Variants in ACP1 observed in about 807,000 individuals in gnomAD.
The protein encoded by ACP1 is low molecular weight phosphotyrosine protein phosphatase.
ACP1 carries 23 observed loss-of-function variants against 23.4 expected under a neutral mutation model. The ratio of observed to expected loss-of-function variants is 0.98; its 90% CI spans 0.71 to 1.39. The LOEUF is 1.39. Ranked by LOEUF, ACP1 falls within the 40% of genes most tolerant of loss-of-function variation. The pLI is 0.00. For synonymous variants in ACP1, 72 were observed against 67.2 expected (o/e 1.07, Z -0.35); for missense variants, 180 against 197.7 (o/e 0.91, Z 0.54).
At chr2:273,381 C>T (rs572487547) in intron 3 of ACP1, among the ~76,000 whole-genome samples, 12 of 152,256 alleles carry the variant, frequency 7.9e-5, no homozygotes, top group Non-Finnish European at 1.6e-4. Flanking sequence ...GATCCCTGTT[C>T]TGAGGTCTCA....
intron 1 of ACP1, among the ~76,000 whole-genome samples, chr2:269,926 G>A (rs1669985736): frequency 6.6e-6 from 1 of 152,144 alleles, no homozygotes; most frequent in African/African-American, 2.4e-5. Context: ...CCGTTTCCCT[G>A]GGTCTTTGGG....
Position 275,289 on chromosome 2 carries a change from T to C in ACP1, c.293+88T>C, listed in dbSNP as rs1434262242. On this transcript the variant is annotated intron_variant, in intron 4 of 5. Coordinates refer to ENST00000272065, the MANE Select transcript of ACP1 (RefSeq NM_004300.4). Reference sequence around the variant, plus strand: ...TGTTGTCCAGATTTACTTTTTCTATTTTAAAGGTTTTAATAGTCAGTGATG... The same window carrying C: ...TGTTGTCCAGATTTACTTTTTCTATCTTAAAGGTTTTAATAGTCAGTGATG... 4 of 706,780 alleles carry C rather than the reference T, an allele frequency of 5.7e-6. No homozygotes were observed. The East Asian group carries it at 1.0e-4, about 18-fold the overall frequency. 43.8% of individuals were successfully genotyped at this position (706,780 alleles called of 1,614,324 possible).
rs765630438 is a variant in ACP1 at position 265,005 on chromosome 2, T to C, written c.41T>C (p.Leu14Pro). Residue 14 changes from leucine (L) to proline (P), a missense_variant and splice_region_variant, in exon 1 of 6, where the codon CTG (leucine) becomes CCG (proline). Transcript: ENST00000272065. The stretch of plus-strand genomic sequence containing the variant: ...ACCAAGTCCGTGCTGTTTGTGTGTC[T>C]GGGTAAGAGGGCGCCGACTTACTCA... The part of the protein sequence containing the change: ...QATKSVLFVC[L>P]GNICRSPIAE... The C allele has an allele frequency of 1.9e-6, 3 of 1,613,176 alleles. No individual in the cohort carries two copies. Among genetic ancestry groups the C allele is most frequent in the Non-Finnish European group, 2.5e-6 (3 of 1,179,588 alleles).
intron 3 of ACP1, 39 bp from the exon 4 acceptor site, chr2:275,101 G>A: frequency 9.0e-7 from 1 of 1,114,878 alleles, no homozygotes; most frequent in Non-Finnish European, 1.3e-6. Context: ...AGGCTTGAAT[G>A]GTATAAACAC....
chr2:277,077 C>T lies in ACP1; in HGVS notation c.391C>T (p.Pro131Ser), dbSNP rs1553300423. Residue 131 changes from proline (P) to serine (S), a missense_variant, in exon 5 of 6, where the codon CCC becomes TCC. This residue lies in a region of ACP1 where 35 missense variants were observed against 40.5 expected (regional missense o/e 0.86). Transcript: ENST00000272065. ...ACAAAAACAACTTATTATTGAAGAT[C>T]CCTATTATGTAAGTACAGTTCACGT... ...DPQKQLIIED[P>S]YYGNDSDFET... 1.2e-6 allele frequency: 2 copies of T among 1,610,458 alleles called. No individual in the cohort carries two copies. The highest frequency in any genetic ancestry group is 1.7e-6 in the Non-Finnish European group (2 of 1,176,802).
chr2:275,055 GT>G (rs144670341), intron 3 of ACP1, 84 bp from the exon 4 acceptor site: 280 of 526,302 alleles, frequency 5.3e-4, no homozygotes, highest in South Asian at 1.5e-3. Flanking sequence ...AAATACAGCA[GT>G]TTTTTTTTTC....
At chr2:273,252 C>G (rs1425917088) in intron 3 of ACP1, 1 of 152,242 alleles carries the variant, frequency 6.6e-6, no homozygotes, top group East Asian at 1.9e-4. Flanking sequence ...CTGCGTCTCA[C>G]TATTGTTGCA....
chr2:277,309 G>T lies in ACP1; in HGVS notation c.*5G>T. 1 of 1,612,394 alleles carries T rather than the reference G, an allele frequency of 6.2e-7. No homozygotes were observed. On this transcript the variant is annotated 3_prime_UTR_variant, in exon 6 of 6. Coordinates refer to ENST00000272065, the MANE Select transcript of ACP1 (RefSeq NM_004300.4). ...TTCTTGGAGAAGGCCCACTGAGGCAGGTTCGTGCCCTGCTGCGGCCAGCCT... is the reference window on the plus strand; with the variant it reads ...TTCTTGGAGAAGGCCCACTGAGGCATGTTCGTGCCCTGCTGCGGCCAGCCT...
intron 4 of ACP1, among the ~76,000 whole-genome samples, chr2:275,832 CTACT>C (rs1271775344): frequency 3.3e-5 from 5 of 152,182 alleles, no homozygotes; most frequent in African/African-American, 4.8e-5. Flanking sequence ...ACTTGCATCA[CTACT>C]TATTCATAAA....
intron 2 of ACP1, 22 bp from the exon 3 acceptor site, chr2:272,015 T>A (rs200663968): frequency 2.9e-4 from 443 of 1,548,268 alleles, no homozygotes; most frequent in Non-Finnish European, 3.8e-4. Context: ...AAAAAAAAAA[T>A]TCCATGTTTC....
In ACP1 at chr2:277,313, C is replaced by G. The variant is rs547572404; in HGVS notation, c.*9C>G. On this transcript the variant is annotated 3_prime_UTR_variant, in exon 6 of 6. Transcript: ENST00000272065. Reference sequence around the variant, plus strand: ...TGGAGAAGGCCCACTGAGGCAGGTTCGTGCCCTGCTGCGGCCAGCCTGACT... The same window carrying G: ...TGGAGAAGGCCCACTGAGGCAGGTTGGTGCCCTGCTGCGGCCAGCCTGACT... 1.2e-6 allele frequency: 2 copies of G among 1,612,156 alleles called. No homozygotes were observed. Among genetic ancestry groups the G allele is most frequent in the South Asian group, 1.1e-5 (1 of 90,980 alleles).
intron 3 of ACP1, chr2:272,926 A>G (rs12714402): frequency 0.61 from 94,827 of 154,370 alleles, 30,202 homozygotes; most frequent in East Asian, 0.83. Context: ...TGGAATCTTC[A>G]TTGGTCAGGT....
chr2:267,917 G>A lies in ACP1; in HGVS notation c.43+2910G>A, dbSNP rs191704050. Among the ~76,000 whole-genome samples, 799 of 152,306 alleles carry A rather than the reference G, an allele frequency of 5.2e-3. 8 individuals are homozygous for A. The highest frequency in any genetic ancestry group is 0.018 in the African/African-American group (760 of 41,572). ...CATTTGTGGACATCAGAATTGGATG[G>A]AACTCTGTATAATTTTCACATGTCA... On this transcript the variant is annotated intron_variant, in intron 1 of 5. Coordinates refer to ENST00000272065, the MANE Select transcript of ACP1 (RefSeq NM_004300.4).
chr2:266,139 A>G (rs1391230233), intron 1 of ACP1, among the ~76,000 whole-genome samples: 2 of 152,334 alleles, frequency 1.3e-5, no homozygotes, highest in East Asian at 1.9e-4. Flanking sequence ...TAATTATTTG[A>G]TAGTCTGTTG....
Position 277,863 on chromosome 2 carries a change from A to G in ACP1, c.*559A>G, listed in dbSNP as rs1247992592. 6.5e-6 allele frequency: 1 copy of G among 153,100 alleles called. No homozygotes were observed. The highest frequency in any genetic ancestry group is 2.4e-5 in the African/African-American group (1 of 41,468). The allele number at this position is 153,100 out of a possible 1,614,324, so 9.5% of individuals were successfully genotyped here. A position where few individuals can be genotyped will look rare whatever the true frequency, so the allele number is the denominator to read the frequency against. On this transcript the variant is annotated 3_prime_UTR_variant, in exon 6 of 6. Transcript: ENST00000272065. ...TATATTGAAAAGATAGGGAAGAGAG[A>G]AACATTTATGGAATCAGTCGTTGGC...
chr2:274,457 G>C (rs1670120018), intron 3 of ACP1: 1 of 152,444 alleles, frequency 6.6e-6, no homozygotes, highest in Non-Finnish European at 1.5e-5. Context: ...ACAATCATAA[G>C]CTTTCAGGTT....
chr2:274,932 A>C (rs1411613130), intron 3 of ACP1: 1 of 367,952 alleles, frequency 2.7e-6, no homozygotes, highest in Non-Finnish European at 4.9e-6. Context: ...ATTGTATGGA[A>C]CTTTATAATA....
chr2:276,851 TC>T, intron 4 of ACP1, 128 bp from the exon 5 acceptor site: 3 of 633,870 alleles, frequency 4.7e-6, no homozygotes, highest in East Asian at 2.8e-5. Context: ...TGCTGAGTGT[TC>T]CGTTTCATTT....
intron 1 of ACP1, 161 bp downstream of exon 1, chr2:265,168 C>A: frequency 4.1e-6 from 3 of 727,260 alleles, no homozygotes; most frequent in Non-Finnish European, 6.3e-6. Flanking sequence ...CGCCCCTGTT[C>A]CCCATCCGCC....
Sources: allele counts gnomAD v4.1 joint callset (sites outside exome capture counted in the v4.1 genomes callset), GRCh38; gene constraint gnomAD v4.1.1; regional missense constraint gnomAD v4.1.1; transcripts MANE v1.5; gene names NCBI Gene and HGNC (gene_info 2026-07-23, HGNC 2026-07-21).